Variants in CEP290 observed in about 807,000 individuals in gnomAD.
The protein encoded by CEP290 is centrosomal protein 290.
Under a neutral mutation model 344.9 loss-of-function variants are expected in CEP290, and 317 were observed. The ratio of observed to expected loss-of-function variants is 0.92; its 90% confidence interval spans 0.84 to 1.01. The LOEUF (loss-of-function observed/expected upper bound fraction) is 1.01, where lower values mean the gene tolerates loss of function less well. CEP290 is among the 50% of genes least tolerant of loss of function. The pLI is 0.00. For missense variants in CEP290, 2,754 were observed against 2,761.4 expected (o/e 1.00, Z 0.06); for synonymous variants, 932 against 895.8 (o/e 1.04, Z -0.72).
chr12:88,102,459 G>A (rs2037961594), intron 26 of CEP290, among the ~76,000 whole-genome samples: 1 of 152,072 alleles, frequency 6.6e-6, no homozygotes, highest in East Asian at 1.9e-4. Context: ...TAAGAGAAAG[G>A]GATGGGCACT....
chr12:88,097,184 T>C (rs1019036205), intron 26 of CEP290, among the ~76,000 whole-genome samples, 185 bp from the exon 27 acceptor site: 2 of 152,244 alleles, frequency 1.3e-5, no homozygotes, highest in Non-Finnish European at 2.9e-5. Context: ...ATATAATACT[T>C]GTATACATAT....
In CEP290 at chr12:88,118,726, T is replaced by C. The variant is rs2039226362; in HGVS notation, c.1540A>G (p.Met514Val). Residue 514 changes from methionine to valine, a missense_variant, in exon 16 of 54, where the codon ATG (methionine) becomes GTG (valine). Coordinates refer to ENST00000552810, the MANE Select transcript of CEP290 (RefSeq NM_025114.4). Reference sequence around the variant, plus strand: ...TTTCTAAATTCAGTTAAATCAATCATTGTCTTTGGTTCAAGGCCTACAATA... The same window carrying C: ...TTTCTAAATTCAGTTAAATCAATCACTGTCTTTGGTTCAAGGCCTACAATA... ...RERVGLEPKT[M>V]IDLTEFRNSK... 1 of 1,611,810 alleles carries C rather than the reference T, an allele frequency of 6.2e-7. No homozygotes were observed. Among genetic ancestry groups the C allele is most frequent in the African/African-American group, 1.3e-5 (1 of 75,000 alleles).
At chr12:88,121,824 C>T (rs901914662) in intron 13 of CEP290, among the ~76,000 whole-genome samples, 2 of 151,944 alleles carry the variant, frequency 1.3e-5, no homozygotes, top group Non-Finnish European at 2.9e-5. Context: ...GTTGCTTCAA[C>T]TTTGTCTATA....
At chr12:88,071,757 T>C (rs1242038726) in intron 42 of CEP290, 24 bp downstream of exon 42, 3 of 1,542,962 alleles carry the variant, frequency 1.9e-6, no homozygotes, top group Non-Finnish European at 2.6e-6. Context: ...ACATAATTAG[T>C]TTTATAATGA....
At position 88,106,908 on chromosome 12, in the gene CEP290, G is replaced by A. The variant is rs759025964; in HGVS notation, c.2587-3C>T. ...ATCTGAAGAGCATTGAGCAAATTCT[G>A]CACAAAGACACATCCATATTACTTG... On this transcript the variant is annotated splice_polypyrimidine_tract_variant and splice_region_variant and intron_variant, in intron 24 of 53. Coordinates refer to ENST00000552810, the MANE Select transcript of CEP290 (RefSeq NM_025114.4). 1.2e-5 allele frequency: 19 copies of A among 1,596,640 alleles called. No individual in the cohort carries two copies. The Admixed American group carries it at 3.1e-4, about 26-fold the overall frequency.
intron 5 of CEP290, 59 bp from the exon 6 acceptor site, chr12:88,136,845 G>A (rs893663263): frequency 1.5e-5 from 21 of 1,432,318 alleles, no homozygotes; most frequent in Admixed American, 7.4e-5. Context: ...GTTCAAATGA[G>A]TCAACAACAA....
chr12:88,078,573 C>A (rs1181416724), intron 39 of CEP290, among the ~76,000 whole-genome samples: 1 of 151,914 alleles, frequency 6.6e-6, no homozygotes, highest in Non-Finnish European at 1.5e-5. Flanking sequence ...TGAAAATACC[C>A]TGTATAATAC....
At chr12:88,085,823 C>T (rs1232396310) in intron 34 of CEP290, among the ~76,000 whole-genome samples, 5 of 151,874 alleles carry the variant, frequency 3.3e-5, no homozygotes, top group Non-Finnish European at 5.9e-5. Context: ...TTCAGTGTAC[C>T]GAAAGGTACC....
In CEP290 at chr12:88,089,352, G is replaced by T; in HGVS notation, c.3709C>A (p.Arg1237Ser). Residue 1237 changes from arginine (R) to serine (S), a missense_variant, in exon 31 of 54, where the codon CGC becomes AGC. Transcript: ENST00000552810. ...TTTTCATCAAGTTTCTGCTCTAAGC[G>T]CAAGTTGTAGGCCTCCATCTTCTGC... ...KLQKMEAYNL[R>S]LEQKLDEKEQ... is the part of the protein sequence containing the mutation. The T allele has an allele frequency of 6.2e-7, 1 of 1,613,860 alleles. No homozygotes were observed. The highest frequency in any genetic ancestry group is 2.2e-5 in the East Asian group (1 of 44,870).
intron 28 of CEP290, 117 bp from the exon 29 acceptor site, chr12:88,092,949 T>A: frequency 1.1e-6 from 1 of 917,812 alleles, no homozygotes; most frequent in Non-Finnish European, 1.7e-6. Flanking sequence ...ACATATTATA[T>A]TAAGTGTGAA....
Position 88,115,192 on chromosome 12 carries a change from G to A in CEP290, c.1825-10C>T. 1 of 1,335,396 alleles carries A rather than the reference G, an allele frequency of 7.5e-7. No homozygotes were observed. Among genetic ancestry groups the A allele is most frequent in the Non-Finnish European group, 1.0e-6 (1 of 963,314 alleles). 82.7% of individuals were successfully genotyped at this position (1,335,396 alleles called of 1,614,324 possible). A position where few individuals can be genotyped will look rare whatever the true frequency, so the allele number is the denominator to read the frequency against. On this transcript the variant is annotated splice_polypyrimidine_tract_variant and intron_variant, in intron 18 of 53. Coordinates refer to ENST00000552810, the MANE Select transcript of CEP290 (RefSeq NM_025114.4). ...TTGAAAGAAATTCATTCTGAAAAAAGCAGAGAGAATAAAATTGATTTTTTT... is the reference window on the plus strand; with the variant it reads ...TTGAAAGAAATTCATTCTGAAAAAAACAGAGAGAATAAAATTGATTTTTTT...
At position 88,064,089 on chromosome 12, in the gene CEP290, A is replaced by G. The variant is rs867670449; in HGVS notation, c.6162T>C (p.His2054=). 25 of 1,576,572 alleles carry G rather than the reference A, an allele frequency of 1.6e-5. 1 individual carries two copies. In the Middle Eastern group the frequency reaches 2.7e-3, roughly 170 times the overall value. The change falls in exon 45 of 54, where the codon CAT becomes CAC. Residue 2054 remains histidine (H), a synonymous_variant. Transcript: ENST00000552810. The part of the protein sequence containing the change: ...PSISGIESDD[H]CQREQELQKE... ...TCTGAAGCTCCTGTTCTCTCTGACA[A>G]TGATCATCTGACTCTATTCCTGAAA...
chr12:88,115,498 G>T (rs1440769614), intron 18 of CEP290: 1 of 1,299,856 alleles, frequency 7.7e-7, no homozygotes, highest in Non-Finnish European at 1.0e-6. Flanking sequence ...TGGCTTCTGT[G>T]ATGTTCAAGC....
intron 11 of CEP290, among the ~76,000 whole-genome samples, chr12:88,128,623 G>A (rs986080886): frequency 1.3e-5 from 2 of 151,914 alleles, no homozygotes; most frequent in African/African-American, 4.8e-5. Flanking sequence ...TGTATATAAG[G>A]TAACTATGAG....
At chr12:88,063,941 T>A in intron 45 of CEP290, 40 bp downstream of exon 45, 1 of 1,529,784 alleles carries the variant, frequency 6.5e-7, no homozygotes, top group Non-Finnish European at 8.9e-7. Context: ...AGGAAGGAGT[T>A]TTAGGCATTA....
At position 88,064,102 on chromosome 12, in the gene CEP290, T is replaced by C. The variant is rs2136815405; in HGVS notation, c.6149A>G (p.Glu2050Gly). Reference sequence around the variant, plus strand: ...TTCTCTCTGACAATGATCATCTGACTCTATTCCTGAAATCTTCAGGGAAAT... The same window carrying C: ...TTCTCTCTGACAATGATCATCTGACCCTATTCCTGAAATCTTCAGGGAAAT... ...TYSKPSISGI[E>G]SDDHCQREQE... Residue 2050 changes from glutamate to glycine, a missense_variant, in exon 45 of 54, where the codon GAG becomes GGG. Coordinates refer to ENST00000552810, the MANE Select transcript of CEP290 (RefSeq NM_025114.4). The C allele has an allele frequency of 1.3e-6, 2 of 1,565,068 alleles. No homozygotes were observed. Among genetic ancestry groups the C allele is most frequent in the Non-Finnish European group, 1.7e-6 (2 of 1,155,592 alleles).
Position 88,125,290 on chromosome 12 carries a change from G to T in CEP290, c.1145C>A (p.Thr382Asn). The T allele has an allele frequency of 9.0e-7, 1 of 1,110,540 alleles. No individual in the cohort carries two copies. The highest frequency in any genetic ancestry group is 1.2e-6 in the Non-Finnish European group (1 of 819,944). 68.8% of individuals were successfully genotyped at this position (1,110,540 alleles called of 1,614,324 possible). ...EQYTKEMEKN[T>N]CIIEDLKNEL... ...ATTTTTCAAATCTTCAATAATACAA[G>T]TATTCTTTTCCATTTCTTTTGTATA... The change falls in exon 13 of 54, where the codon ACT becomes AAT. Residue 382 changes from threonine (T) to asparagine (N), a missense_variant. By Grantham distance (65) the Thr-to-Asn change is moderately conservative (BLOSUM62 0). Coordinates refer to ENST00000552810, the MANE Select transcript of CEP290 (RefSeq NM_025114.4).
At chr12:88,125,178 AT>A (rs2039654439) in intron 13 of CEP290, 67 bp downstream of exon 13, 4 of 511,050 alleles carry the variant, frequency 7.8e-6, no homozygotes, top group Non-Finnish European at 1.2e-5. Context: ...TTGACATTTT[AT>A]TTTAATAAAA....
intron 30 of CEP290, 94 bp downstream of exon 30, chr12:88,090,634 C>T (rs2036959438): frequency 3.7e-6 from 3 of 804,026 alleles, no homozygotes; most frequent in South Asian, 3.2e-5. Context: ...TATCTCGAAA[C>T]AAACAAAAAG....
Sources: allele counts gnomAD v4.1 joint callset (sites outside exome capture counted in the v4.1 genomes callset), GRCh38; gene constraint gnomAD v4.1.1; transcripts MANE v1.5; gene names NCBI Gene and HGNC (gene_info 2026-07-23, HGNC 2026-07-21).